The following ATXN8OS variants were observed in gnomAD, a reference collection of about 807,000 sequenced individuals.
ATXN8OS encodes the protein ATXN8 opposite strand lncRNA.
At chr13:70,113,929 C>CT (rs1338285438) in intron 1 of ATXN8OS, among the ~76,000 whole-genome samples, 2 of 152,122 alleles carry the variant, frequency 1.3e-5, no homozygotes, top group African/African-American at 4.8e-5. Flanking sequence ...TTCAAATGCT[C>CT]TTTTTCCCAC....
At chr13:70,153,504 G>T (rs1888898637) in intron 4 of ATXN8OS, among the ~76,000 whole-genome samples, 1 of 152,168 alleles carries the variant, frequency 6.6e-6, no homozygotes, top group Admixed American at 6.5e-5. Context: ...GAACCCGGGA[G>T]ATGGAGGTTG....
rs111265280 is a variant in ATXN8OS, at chr13:70,161,601, C to G, written n.574-8152C>G. ...TCCTTAACCCTGCTTTATTTTCCTCCAAAGTAGATATCATTGCCTAACACA... is the reference window on the plus strand; with the variant it reads ...TCCTTAACCCTGCTTTATTTTCCTCGAAAGTAGATATCATTGCCTAACACA... On this transcript the variant is annotated intron_variant and non_coding_transcript_variant, in intron 4 of 4. Transcript: ENST00000678624. Among the ~76,000 whole-genome samples the G allele has an allele frequency of 4.6e-3, 696 of 150,790 alleles. 7 individuals carry two copies. Among genetic ancestry groups the G allele is most frequent in the African/African-American group, 0.016 (664 of 41,398 alleles).
At chr13:70,107,584 T>G (rs1228913545), upstream of ATXN8OS, 3 of 1,603,392 alleles carry the variant, frequency 1.9e-6, no homozygotes, top group Non-Finnish European at 2.6e-6. Flanking sequence ...GCCGTCCTGT[T>G]GCAGGCAGCC....
intron 3 of ATXN8OS, among the ~76,000 whole-genome samples, chr13:70,140,850 G>A (rs1223135031): frequency 1.3e-5 from 2 of 151,986 alleles, no homozygotes; most frequent in African/African-American, 2.4e-5. Context: ...CTATGAACTG[G>A]TCTTTGTGGG....
At chr13:70,132,893 G>A (rs1026516880) in intron 3 of ATXN8OS, among the ~76,000 whole-genome samples, 1 of 151,886 alleles carries the variant, frequency 6.6e-6, no homozygotes, top group African/African-American at 2.4e-5. Context: ...CCAATGTAGA[G>A]GTGTCTGGAA....
intron 3 of ATXN8OS, chr13:70,139,526 A>T: frequency 2.0e-6 from 1 of 501,962 alleles, no homozygotes; most frequent in East Asian, 3.1e-5. Context: ...TTACTTAAGA[A>T]TTTATGAATA....
At chr13:70,117,142 C>G (rs984516721) in intron 2 of ATXN8OS, among the ~76,000 whole-genome samples, 3 of 151,998 alleles carry the variant, frequency 2.0e-5, no homozygotes, top group African/African-American at 7.2e-5. Context: ...GGACTATAGT[C>G]AACAATGTTC....
intron 2 of ATXN8OS, among the ~76,000 whole-genome samples, chr13:70,123,483 G>A (rs562375655): frequency 6.2e-4 from 95 of 152,126 alleles, no homozygotes; most frequent in African/African-American, 1.7e-3. Context: ...ATGTTCCTAC[G>A]ACATAGCCTA....
At chr13:70,159,232 A>G (rs2137503739) in intron 4 of ATXN8OS, among the ~76,000 whole-genome samples, 1 of 152,012 alleles carries the variant, frequency 6.6e-6, no homozygotes, top group South Asian at 2.1e-4. Flanking sequence ...GAATTAAATT[A>G]TATTCATATA....
At chr13:70,118,571 AAG>A (rs766876732) in intron 2 of ATXN8OS, among the ~76,000 whole-genome samples, 1 of 151,916 alleles carries the variant, frequency 6.6e-6, no homozygotes, top group African/African-American at 2.4e-5. Flanking sequence ...CATAGAGAGG[AAG>A]AGAGAGAGAG....
intron 1 of ATXN8OS, among the ~76,000 whole-genome samples, chr13:70,109,282 T>C (rs1026792465): frequency 6.6e-6 from 1 of 152,218 alleles, no homozygotes; most frequent in African/African-American, 2.4e-5. Flanking sequence ...GTTTTAACCT[T>C]TCCTTTAATG....
chr13:70,143,469 G>A (rs1335575597), intron 3 of ATXN8OS, among the ~76,000 whole-genome samples: 1 of 152,052 alleles, frequency 6.6e-6, no homozygotes, highest in Non-Finnish European at 1.5e-5. Context: ...GGTGTTCTGT[G>A]CTCACGTCAA....
intron 1 of ATXN8OS, among the ~76,000 whole-genome samples, chr13:70,113,211 C>T (rs1183432276): frequency 6.6e-6 from 1 of 152,002 alleles, no homozygotes; most frequent in African/African-American, 2.4e-5. Flanking sequence ...TAAGCCACAG[C>T]GCCTGGCCTA....
chr13:70,152,641 A>C (rs1209836057), intron 4 of ATXN8OS, among the ~76,000 whole-genome samples: 3 of 152,014 alleles, frequency 2.0e-5, no homozygotes, highest in Non-Finnish European at 4.4e-5. Flanking sequence ...GGAGATGATC[A>C]ATAAATGTCT....
intron 3 of ATXN8OS, chr13:70,130,839 C>G: frequency 2.5e-6 from 1 of 398,488 alleles, no homozygotes; most frequent in East Asian, 3.6e-5. Context: ...TGAAGAACAA[C>G]TTGTTGAAGG....
chr13:70,156,251 G>A (rs1888935552), intron 4 of ATXN8OS, among the ~76,000 whole-genome samples: 1 of 151,716 alleles, frequency 6.6e-6, no homozygotes, highest in Non-Finnish European at 1.5e-5. Flanking sequence ...ATGAGTGTGT[G>A]TGTGTGTGTG....
At chr13:70,169,183 G>A (rs1593781015) in intron 4 of ATXN8OS, among the ~76,000 whole-genome samples, 1 of 152,196 alleles carries the variant, frequency 6.6e-6, no homozygotes, top group East Asian at 1.9e-4. Flanking sequence ...AACAGTTTTT[G>A]TACATTAAAA....
At chr13:70,149,739 C>A (rs1888839158) in intron 4 of ATXN8OS, among the ~76,000 whole-genome samples, 1 of 152,056 alleles carries the variant, frequency 6.6e-6, no homozygotes, top group African/African-American at 2.4e-5. Flanking sequence ...TCAGCTACTG[C>A]TGGGGCTAGG....
chr13:70,121,776 C>T (rs1452481222), intron 2 of ATXN8OS, among the ~76,000 whole-genome samples: 1 of 151,750 alleles, frequency 6.6e-6, no homozygotes, highest in Non-Finnish European at 1.5e-5. Flanking sequence ...AGGAAAATAG[C>T]GATCTTTAGA....
Sources: allele counts gnomAD v4.1 joint callset (sites outside exome capture counted in the v4.1 genomes callset), GRCh38; gene constraint gnomAD v4.1.1; transcripts MANE v1.5; gene names NCBI Gene and HGNC (gene_info 2026-07-23, HGNC 2026-07-21).